The following ANAPC1 variants were observed in gnomAD, a reference collection of about 807,000 sequenced individuals.
ANAPC1 encodes the protein anaphase-promoting complex subunit 1.
A neutral mutation model predicts 208.0 loss-of-function variants in ANAPC1; 36 were observed. That is an observed-to-expected ratio of 0.17 (90% confidence interval 0.13 to 0.23). The LOEUF (loss-of-function observed/expected upper bound fraction) is 0.23. ANAPC1 is among the 10% of genes least tolerant of loss of function. The pLI, the probability that ANAPC1 is intolerant of heterozygous loss-of-function variation, is 1.00. For synonymous variants in ANAPC1, 378 were observed against 695.2 expected (o/e 0.54, Z 7.18); for missense variants, 942 against 2,011.6 (o/e 0.47, Z 10.17).
In ANAPC1 at chr2:111,873,341, T is replaced by G; in HGVS notation, c.495A>C (p.Glu165Asp). 1 of 1,608,716 alleles carries G rather than the reference T, an allele frequency of 6.2e-7. No individual in the cohort carries two copies. Among genetic ancestry groups the G allele is most frequent in the Non-Finnish European group, 8.5e-7 (1 of 1,177,860 alleles). Residue 165 changes from glutamate to aspartate, a missense_variant, in exon 5 of 48, where the codon GAA (glutamate) becomes GAC (aspartate). Glu to Asp is a conservative substitution (Grantham distance 45). Transcript: ENST00000341068. ...GTAATGAAGCTATGTAATCCTTTCC[T>G]TCTATGCTATGCATGTTAATACATG... Reference protein sequence around the residue: ...QSSCINMHSIEGKDYIASLPF... With the variant: ...QSSCINMHSIDGKDYIASLPF...
chr2:111,794,204 A>G, intron 36 of ANAPC1, 29 bp downstream of exon 36: 3 of 1,571,654 alleles, frequency 1.9e-6, no homozygotes, highest in Non-Finnish European at 2.6e-6. Flanking sequence ...ACAAAAAAAA[A>G]GAACACAGTA....
chr2:111,807,415 G>A (rs1224585622), intron 29 of ANAPC1, among the ~76,000 whole-genome samples: 1 of 151,922 alleles, frequency 6.6e-6, no homozygotes, highest in Non-Finnish European at 1.5e-5. Context: ...TTTTAGGCGG[G>A]GCACAGTGGT....
intron 39 of ANAPC1, among the ~76,000 whole-genome samples, chr2:111,787,150 A>G (rs1348016597): frequency 7.8e-6 from 1 of 127,758 alleles, no homozygotes; most frequent in Admixed American, 7.6e-5. Context: ...CTCTATCTCG[A>G]AAAAAAAAAA....
At chr2:111,772,310 T>A (rs1676784497) in intron 47 of ANAPC1, 31 bp downstream of exon 47, 1 of 1,613,752 alleles carries the variant, frequency 6.2e-7, no homozygotes. Flanking sequence ...GTAACAGAGT[T>A]ACTGAAGATA....
intron 13 of ANAPC1, 118 bp from the exon 14 acceptor site, chr2:111,851,028 A>G: frequency 8.2e-7 from 1 of 1,213,022 alleles, no homozygotes; most frequent in Non-Finnish European, 1.1e-6. Context: ...GTTTATACTC[A>G]CCAAACACAG....
rs1379092516 is a variant in ANAPC1 at position 111,862,417 on chromosome 2, A to G, written c.1234T>C (p.Leu412=). 1.9e-6 allele frequency: 3 copies of G among 1,600,614 alleles called. No individual in the cohort carries two copies. In the Admixed American group the frequency reaches 5.1e-5, roughly 27 times the overall value. ...ATATTAGTAATCGTTTCTGTCCACA[A>G]ATGGTCAATACACAGTTCAGGAACA... ...PIVPELCIDH[L]WTETITNIRE... is the part of the protein sequence containing the mutation. The change falls in exon 10 of 48, where the codon TTG becomes CTG. Residue 412 remains leucine, a synonymous_variant. Transcript: ENST00000341068.
At chr2:111,856,998 C>T (rs1227263798) in intron 11 of ANAPC1, 112 bp from the exon 12 acceptor site, 5 of 722,074 alleles carry the variant, frequency 6.9e-6, no homozygotes, top group Non-Finnish European at 1.1e-5. Flanking sequence ...ACTGTATGAG[C>T]CCATTTATAT....
chr2:111,863,644 C>T (rs770047687), intron 9 of ANAPC1, 31 bp downstream of exon 9: 1 of 1,588,676 alleles, frequency 6.3e-7, no homozygotes, highest in Admixed American at 1.7e-5. Flanking sequence ...AAACAGAAAG[C>T]TTAGAAAGAA....
intron 28 of ANAPC1, among the ~76,000 whole-genome samples, chr2:111,813,678 C>G (rs1427526673): frequency 6.6e-6 from 1 of 151,900 alleles, no homozygotes; most frequent in East Asian, 1.9e-4. Context: ...GAAAGAAACC[C>G]AACAGGGAAT....
At position 111,858,409 on chromosome 2, in the gene ANAPC1, A is replaced by G; in HGVS notation, c.1263-8T>C. 6.2e-7 allele frequency: 1 copy of G among 1,600,076 alleles called. No individual in the cohort carries two copies. The highest frequency in any genetic ancestry group is 8.6e-7 in the Non-Finnish European group (1 of 1,168,666). On this transcript the variant is annotated splice_polypyrimidine_tract_variant and splice_region_variant and intron_variant, in intron 10 of 47. Transcript: ENST00000341068. ...GCTTGTGAATTTTTCTCTCTATAAT[A>G]GATACATTAATAAAGTAACTGTCAG... is the stretch of plus-strand genomic sequence containing the variant.
chr2:111,836,769 A>C (rs1680492226), intron 18 of ANAPC1, among the ~76,000 whole-genome samples: 1 of 151,998 alleles, frequency 6.6e-6, no homozygotes, highest in Non-Finnish European at 1.5e-5. Flanking sequence ...GGAGTTTGAG[A>C]CCAGACTGAC....
intron 1 of ANAPC1, among the ~76,000 whole-genome samples, chr2:111,883,581 T>C (rs1158559754): frequency 6.7e-6 from 1 of 149,540 alleles, no homozygotes; most frequent in Non-Finnish European, 1.5e-5. Flanking sequence ...GGAGCTTAAG[T>C]CTCCACAAGA....
chr2:111,876,120 T>A (rs1014242289), intron 3 of ANAPC1, among the ~76,000 whole-genome samples: 1 of 152,106 alleles, frequency 6.6e-6, no homozygotes, highest in African/African-American at 2.4e-5. Context: ...CCAGGCACAG[T>A]GGCTCACGCC....
chr2:111,861,303 T>C (rs975499650), intron 10 of ANAPC1, among the ~76,000 whole-genome samples: 2 of 152,188 alleles, frequency 1.3e-5, no homozygotes, highest in African/African-American at 2.4e-5. Flanking sequence ...CTTGAACTCC[T>C]GAGCTCAAGT....
intron 46 of ANAPC1, among the ~76,000 whole-genome samples, chr2:111,773,330 C>T (rs1474781991): frequency 6.6e-6 from 1 of 152,234 alleles, no homozygotes; most frequent in Non-Finnish European, 1.5e-5. Flanking sequence ...GAACATGTTA[C>T]AGCCATTTGA....
At chr2:111,795,977 C>T (rs1461101696) in intron 34 of ANAPC1, among the ~76,000 whole-genome samples, 5 of 147,692 alleles carry the variant, frequency 3.4e-5, no homozygotes, top group African/African-American at 1.3e-4. Context: ...GTGGCTTACA[C>T]GCCTGTAATC....
At position 111,873,757 on chromosome 2, in the gene ANAPC1, G is replaced by A. The variant is rs2311824; in HGVS notation, c.376-93C>T. 4,002 of 1,394,800 alleles carry A rather than the reference G, an allele frequency of 2.9e-3. 25 individuals are homozygous for A. The highest frequency in any genetic ancestry group is 3.0e-3 in the Non-Finnish European group (3,145 of 1,054,860). 86.4% of individuals were successfully genotyped at this position (1,394,800 alleles called of 1,614,324 possible). A position where few individuals can be genotyped will look rare whatever the true frequency, so the allele number is the denominator to read the frequency against. The stretch of plus-strand genomic sequence containing the variant: ...TCTAAATAATAATAATAGCATCTAC[G>A]TAATAACTTTGCCTCCTCAGCTCAA... On this transcript the variant is annotated intron_variant, in intron 3 of 47. Coordinates refer to ENST00000341068, the MANE Select transcript of ANAPC1 (RefSeq NM_022662.4).
chr2:111,797,964 A>C (rs995242192), intron 34 of ANAPC1, among the ~76,000 whole-genome samples: 1 of 125,976 alleles, frequency 7.9e-6, no homozygotes, highest in African/African-American at 3.3e-5. Flanking sequence ...CTGCTCTGAA[A>C]GCAGGTCTAT....
At chr2:111,772,294 G>A (rs764571878) in intron 47 of ANAPC1, 47 bp downstream of exon 47, 14 of 1,613,584 alleles carry the variant, frequency 8.7e-6, no homozygotes, top group South Asian at 3.3e-5. Flanking sequence ...GAACATAAAG[G>A]GGTAGGTAAC....
Sources: allele counts gnomAD v4.1 joint callset (sites outside exome capture counted in the v4.1 genomes callset), GRCh38; gene constraint gnomAD v4.1.1; transcripts MANE v1.5; gene names NCBI Gene and HGNC (gene_info 2026-07-23, HGNC 2026-07-21).